Variants in ZFYVE9 observed in about 807,000 individuals in gnomAD.
The protein encoded by ZFYVE9 is zinc finger FYVE-type containing 9, also known as zinc finger FYVE domain-containing protein 9.
Under a neutral mutation model 126.7 loss-of-function variants are expected in ZFYVE9, and 43 were observed. That is an observed-to-expected ratio of 0.34 (90% CI 0.27 to 0.44). ZFYVE9 has a LOEUF of 0.44. ZFYVE9 is among the 20% of genes least tolerant of loss of function. The probability of loss-of-function intolerance (pLI) is 1.00; values close to 1 mark genes in which losing one functional copy is unlikely to be tolerated. For synonymous variants in ZFYVE9, 521 were observed against 597.4 expected, an observed-to-expected ratio of 0.87 and a Z score of 1.87; for missense variants, 1,476 against 1,697.0, an observed-to-expected ratio of 0.87 and a Z score of 2.29.
intron 1 of ZFYVE9, among the ~76,000 whole-genome samples, chr1:52,182,193 C>T (rs1644716078): frequency 6.6e-6 from 1 of 152,036 alleles, no homozygotes; most frequent in Non-Finnish European, 1.5e-5. Context: ...TGCCCGGCCG[C>T]CCCTACTGGG....
At chr1:52,157,060 C>G (rs1644409537) in intron 1 of ZFYVE9, among the ~76,000 whole-genome samples, 1 of 152,140 alleles carries the variant, frequency 6.6e-6, no homozygotes, top group Admixed American at 6.5e-5. Flanking sequence ...TCTTGATCTC[C>G]TGACCTCGTG....
At chr1:52,313,741 A>C (rs1221041605) in intron 13 of ZFYVE9, among the ~76,000 whole-genome samples, 1 of 152,214 alleles carries the variant, frequency 6.6e-6, no homozygotes, top group Non-Finnish European at 1.5e-5. Flanking sequence ...CTTGAAAAGG[A>C]TGAAAGAATG....
chr1:52,295,790 A>T (rs993799000), intron 11 of ZFYVE9, 105 bp from the exon 12 acceptor site: 1 of 903,142 alleles, frequency 1.1e-6, no homozygotes, highest in African/African-American at 1.7e-5. Flanking sequence ...ATATGTTCTA[A>T]TGAGCCATTA....
At chr1:52,160,548 C>G (rs1644447955) in intron 1 of ZFYVE9, 1 of 768,298 alleles carries the variant, frequency 1.3e-6, no homozygotes, top group Non-Finnish European at 2.4e-6. Context: ...TGACACGCCT[C>G]AAGTGCTGCT....
Position 52,238,037 on chromosome 1 carries a change from T to A in ZFYVE9, c.620T>A (p.Met207Lys). The A allele has an allele frequency of 6.2e-7, 1 of 1,613,974 alleles. No individual in the cohort carries two copies. Among genetic ancestry groups the A allele is most frequent in the South Asian group, 1.1e-5 (1 of 91,064 alleles). Reference protein sequence around the residue: ...FSINESTEKDMNSEKQMDPLN... With the variant: ...FSINESTEKDKNSEKQMDPLN... ...ATAAATGAGTCCACTGAAAAAGATA[T>A]GAATTCAGAGAAACAAATGGATCCA... Residue 207 changes from methionine (M) to lysine (K), a missense_variant, in exon 4 of 19, where the codon ATG (methionine) becomes AAG (lysine). By Grantham distance (95) the Met-to-Lys change is moderately conservative. Coordinates refer to ENST00000287727, the MANE Select transcript of ZFYVE9 (RefSeq NM_004799.4).
chr1:52,286,008 T>C, intron 10 of ZFYVE9, among the ~76,000 whole-genome samples: 1 of 151,870 alleles, frequency 6.6e-6, no homozygotes, highest in East Asian at 1.9e-4. Context: ...TACAAAAAAT[T>C]AGCCGGGTGT....
chr1:52,290,795 GAAT>G (rs933174019), intron 10 of ZFYVE9, among the ~76,000 whole-genome samples: 1 of 152,120 alleles, frequency 6.6e-6, no homozygotes, highest in African/African-American at 2.4e-5. Flanking sequence ...ATTTGCATTA[GAAT>G]AATAATAGTT....
intron 4 of ZFYVE9, among the ~76,000 whole-genome samples, chr1:52,243,276 A>G (rs911969690): frequency 5.3e-5 from 8 of 152,220 alleles, no homozygotes; most frequent in African/African-American, 1.9e-4. Flanking sequence ...AAAACAAAAA[A>G]ACATGATTTG....
chr1:52,201,922 T>TA (rs1644926778), intron 1 of ZFYVE9, among the ~76,000 whole-genome samples: 1 of 151,634 alleles, frequency 6.6e-6, no homozygotes, highest in Admixed American at 6.6e-5. Context: ...TAGCTGGAAT[T>TA]ACAGGCATGC....
intron 1 of ZFYVE9, among the ~76,000 whole-genome samples, chr1:52,210,987 G>T (rs753962069): frequency 6.6e-6 from 1 of 152,118 alleles, no homozygotes; most frequent in African/African-American, 2.4e-5. Flanking sequence ...TCATGCAGTT[G>T]TAGTCAGACA....
intron 1 of ZFYVE9, among the ~76,000 whole-genome samples, chr1:52,168,532 A>C (rs609158): frequency 6.8e-6 from 1 of 147,670 alleles, no homozygotes; most frequent in Non-Finnish European, 1.5e-5. Context: ...TTTTTTTTTT[A>C]AAAGCAACAG....
chr1:52,266,714 G>A lies in ZFYVE9; in HGVS notation c.2338G>A (p.Ala780Thr). The A allele has an allele frequency of 6.2e-7, 1 of 1,612,070 alleles. No homozygotes were observed. The highest frequency in any genetic ancestry group is 8.5e-7 in the Non-Finnish European group (1 of 1,179,146). ...CCAGAGCCCTAACCCTAACAATCCT[G>A]CTGAATACTGTTCTACTATCCCTCC... Reference protein sequence around the residue: ...SSQSPNPNNPAEYCSTIPPLQ... With the variant: ...SSQSPNPNNPTEYCSTIPPLQ... The change falls in exon 6 of 19, where the codon GCT becomes ACT. Residue 780 changes from alanine to threonine, a missense_variant. By Grantham distance (58) the Ala-to-Thr change is moderately conservative. Around this residue, in one of 2 missense-constraint regions of ZFYVE9, gnomAD observed 669 missense variants for 902.4 expected, o/e 0.74. Coordinates refer to ENST00000287727, the MANE Select transcript of ZFYVE9 (RefSeq NM_004799.4).
rs529873173 is a variant in ZFYVE9 at position 52,223,909 on chromosome 1, T to C, written c.-37+7435T>C. ...TGAAGATCATGGTTCTTTCCTTTCC[T>C]GAGAAGAGAATAACTAGGATAGACA... On this transcript the variant is annotated intron_variant, in intron 2 of 18. Coordinates refer to ENST00000287727, the MANE Select transcript of ZFYVE9 (RefSeq NM_004799.4). 2.6e-5 allele frequency among the ~76,000 whole-genome samples: 4 copies of C among 152,306 alleles called. No homozygotes were observed. In the South Asian group the frequency reaches 8.3e-4, roughly 32 times the overall value.
intron 3 of ZFYVE9, among the ~76,000 whole-genome samples, chr1:52,234,444 G>A (rs1645255249): frequency 6.6e-6 from 1 of 152,194 alleles, no homozygotes; most frequent in African/African-American, 2.4e-5. Context: ...CCAGATGACA[G>A]AGTGAGACCC....
intron 7 of ZFYVE9, among the ~76,000 whole-genome samples, chr1:52,273,503 A>G (rs1411776526): frequency 6.6e-6 from 1 of 152,178 alleles, no homozygotes; most frequent in Non-Finnish European, 1.5e-5. Context: ...TTCATTAAAT[A>G]TAGCTAATGT....
intron 10 of ZFYVE9, among the ~76,000 whole-genome samples, chr1:52,290,999 A>G (rs1645914173): frequency 6.6e-6 from 1 of 152,132 alleles, no homozygotes; most frequent in African/African-American, 2.4e-5. Context: ...TCAAACCCAT[A>G]TCTCTGGGAC....
At chr1:52,156,579 C>T (rs1644405279) in intron 1 of ZFYVE9, among the ~76,000 whole-genome samples, 1 of 152,194 alleles carries the variant, frequency 6.6e-6, no homozygotes, top group South Asian at 2.1e-4. Context: ...GGAGTTACCC[C>T]CAACTGCCAA....
At chr1:52,191,219 C>T (rs1174016148) in intron 1 of ZFYVE9, among the ~76,000 whole-genome samples, 1 of 152,130 alleles carries the variant, frequency 6.6e-6, no homozygotes, top group Non-Finnish European at 1.5e-5. Flanking sequence ...GAATTACAGG[C>T]GTGAGCCACC....
At chr1:52,158,610 A>G (rs1004364360) in intron 1 of ZFYVE9, among the ~76,000 whole-genome samples, 3 of 152,170 alleles carry the variant, frequency 2.0e-5, no homozygotes, top group Non-Finnish European at 4.4e-5. Flanking sequence ...GCATTCAGCC[A>G]CCGTGAAGCA....
Sources: allele counts gnomAD v4.1 joint callset (sites outside exome capture counted in the v4.1 genomes callset), GRCh38; gene constraint gnomAD v4.1.1; regional missense constraint gnomAD v4.1.1; transcripts MANE v1.5; gene names NCBI Gene and HGNC (gene_info 2026-07-23, HGNC 2026-07-21).